ZNF736: variants seen among roughly 807,000 people sequenced by gnomAD.
ZNF736 encodes zinc finger protein 736.
In ZNF736, 6 loss-of-function variants were observed where a neutral mutation model predicts 11.7. That is an observed-to-expected ratio of 0.51 (90% CI 0.28 to 1.01). The LOEUF is 1.01. Ranked by LOEUF, ZNF736 falls within the 50% of genes least tolerant of loss-of-function variation. ZNF736 has a pLI of 0.09. For synonymous variants in ZNF736, 139 were observed against 164.7 expected, an observed-to-expected ratio of 0.84 and a Z score of 1.19; for missense variants, 444 against 496.0, an observed-to-expected ratio of 0.90 and a Z score of 1.00.
intron 1 of ZNF736, among the ~76,000 whole-genome samples, chr7:64,324,592 C>T (rs1434872160): frequency 6.6e-6 from 1 of 152,180 alleles, no homozygotes; most frequent in East Asian, 1.9e-4. Flanking sequence ...AATCTCCATG[C>T]TCACATTTCA....
intron 3 of ZNF736, among the ~76,000 whole-genome samples, chr7:64,343,724 A>G (rs1342558294): frequency 6.6e-6 from 1 of 152,066 alleles, no homozygotes; most frequent in Non-Finnish European, 1.5e-5. Context: ...CCACCATTTT[A>G]TATTTTAGTG....
intron 3 of ZNF736, among the ~76,000 whole-genome samples, chr7:64,338,288 TAAAG>T (rs1260862957): frequency 6.6e-6 from 1 of 152,202 alleles, no homozygotes; most frequent in African/African-American, 2.4e-5. Context: ...TGTGTATACA[TAAAG>T]AAATGATTAA....
intron 1 of ZNF736, among the ~76,000 whole-genome samples, chr7:64,331,766 A>G (rs1789170712): frequency 6.6e-6 from 1 of 152,196 alleles, no homozygotes; most frequent in African/African-American, 2.4e-5. Context: ...TGAAGATCAT[A>G]GAGACTGCTC....
At chr7:64,316,308 T>C (rs934051085) in intron 1 of ZNF736, among the ~76,000 whole-genome samples, 8 of 150,454 alleles carry the variant, frequency 5.3e-5, no homozygotes, top group Admixed American at 1.3e-4. Flanking sequence ...AAGATTTTTT[T>C]CCCCTCAATC....
chr7:64,350,359 G>A lies in ZNF736; in HGVS notation c.*1212G>A, dbSNP rs1463444283. 6.6e-6 allele frequency: 1 copy of A among 152,128 alleles called. No homozygotes were observed. The highest frequency in any genetic ancestry group is 1.5e-5 in the Non-Finnish European group (1 of 68,028). The allele number at this position is 152,128 out of a possible 1,614,324, so 9.4% of individuals were successfully genotyped here. ...GGCCTATTCTGCTGTTAATATATGT[G>A]ATTACATTATAAAGGTTTTGTATTG... On this transcript the variant is annotated 3_prime_UTR_variant, in exon 4 of 4. Transcript: ENST00000423484.
At chr7:64,314,529 C>G (rs1481671978) in intron 1 of ZNF736, among the ~76,000 whole-genome samples, 2 of 152,224 alleles carry the variant, frequency 1.3e-5, no homozygotes, top group East Asian at 1.9e-4. Flanking sequence ...CGTGGGGTCC[C>G]TAGTCCCTCC....
At chr7:64,344,220 T>C (rs953147377) in intron 3 of ZNF736, among the ~76,000 whole-genome samples, 3 of 152,180 alleles carry the variant, frequency 2.0e-5, no homozygotes, top group African/African-American at 7.2e-5. Flanking sequence ...AAGAATCACT[T>C]GAACCTGGGA....
chr7:64,344,039 AC>A (rs1789375385), intron 3 of ZNF736, among the ~76,000 whole-genome samples: 1 of 151,854 alleles, frequency 6.6e-6, no homozygotes, highest in Non-Finnish European at 1.5e-5. Context: ...ATGGTGGCTC[AC>A]ACCTGTAATC....
chr7:64,339,444 TTTAG>T (rs1364207648), intron 3 of ZNF736, among the ~76,000 whole-genome samples: 1 of 152,216 alleles, frequency 6.6e-6, no homozygotes, highest in Non-Finnish European at 1.5e-5. Flanking sequence ...TTATTTTATA[TTTAG>T]TTAATTTTTA....
intron 1 of ZNF736, among the ~76,000 whole-genome samples, chr7:64,335,090 C>T (rs563386797): frequency 6.6e-6 from 1 of 152,190 alleles, no homozygotes; most frequent in South Asian, 2.1e-4. Flanking sequence ...AGGATTCAAA[C>T]AATGAGAACA....
At chr7:64,322,632 C>G (rs1043097505) in intron 1 of ZNF736, among the ~76,000 whole-genome samples, 2 of 152,124 alleles carry the variant, frequency 1.3e-5, no homozygotes, top group African/African-American at 2.4e-5. Context: ...AACTTATTCT[C>G]ACAATTAAAA....
At chr7:64,314,790 C>T (rs1004675456) in intron 1 of ZNF736, among the ~76,000 whole-genome samples, 13 of 152,156 alleles carry the variant, frequency 8.5e-5, no homozygotes, top group Admixed American at 1.3e-4. Flanking sequence ...GTCTCGAACT[C>T]CCCGAGCTCA....
chr7:64,346,207 G>A (rs1789407784), intron 3 of ZNF736, among the ~76,000 whole-genome samples: 1 of 152,014 alleles, frequency 6.6e-6, no homozygotes, highest in African/African-American at 2.4e-5. Context: ...TTTGTCTCTT[G>A]TGAATTTTGA....
intron 1 of ZNF736, among the ~76,000 whole-genome samples, chr7:64,329,615 C>T (rs58263972): frequency 0.076 from 11,297 of 148,778 alleles, 475 homozygotes; most frequent in African/African-American, 0.13. Context: ...TAAATGGAAT[C>T]TCTCTCTCTC....
At chr7:64,318,776 A>G (rs1788951691) in intron 1 of ZNF736, among the ~76,000 whole-genome samples, 1 of 152,212 alleles carries the variant, frequency 6.6e-6, no homozygotes, top group Non-Finnish European at 1.5e-5. Flanking sequence ...ATATATATAC[A>G]TGTAGACACA....
intron 1 of ZNF736, among the ~76,000 whole-genome samples, chr7:64,331,650 A>G (rs1272185517): frequency 3.9e-5 from 6 of 152,184 alleles, no homozygotes; most frequent in Non-Finnish European, 7.3e-5. Flanking sequence ...CCTTGCAGCC[A>G]TGTTGTTTGA....
intron 1 of ZNF736, among the ~76,000 whole-genome samples, chr7:64,327,595 T>C (rs1003800436): frequency 3.9e-5 from 6 of 152,194 alleles, no homozygotes; most frequent in African/African-American, 1.4e-4. Context: ...TCTTGCTGTT[T>C]TGTGGTCTTT....
chr7:64,316,699 T>A (rs1435684433), intron 1 of ZNF736, among the ~76,000 whole-genome samples: 1 of 152,220 alleles, frequency 6.6e-6, no homozygotes, highest in Non-Finnish European at 1.5e-5. Flanking sequence ...CTTCAGTTTT[T>A]CATTAATTGT....
rs1789453969 is a variant in ZNF736 at position 64,349,170 on chromosome 7, A to G, written c.*23A>G. On this transcript the variant is annotated 3_prime_UTR_variant, in exon 4 of 4. Coordinates refer to ENST00000423484, the MANE Select transcript of ZNF736 (RefSeq NM_001170905.3). ...TAAAAATGTGGAAAAGCCTTTACCAAGTCCTCATACTGTGTTCAACATCTG... is the reference window on the plus strand; with the variant it reads ...TAAAAATGTGGAAAAGCCTTTACCAGGTCCTCATACTGTGTTCAACATCTG... The G allele has an allele frequency of 1.3e-6, 2 of 1,486,304 alleles. No homozygotes were observed. Among genetic ancestry groups the G allele is most frequent in the Non-Finnish European group, 1.8e-6 (2 of 1,116,730 alleles). The allele number at this position is 1,486,304 out of a possible 1,614,324, so 92.1% of individuals were successfully genotyped here.
Sources: gnomAD v4.1 joint callset for allele counts (sites outside exome capture counted in the v4.1 genomes callset) on GRCh38, gnomAD v4.1.1 for gene constraint, MANE v1.5 for transcripts, NCBI Gene and HGNC (gene_info 2026-07-23, HGNC 2026-07-21) for gene names.